Variants in TRANK1 observed in about 807,000 individuals in gnomAD.
The protein encoded by TRANK1 is TPR and ankyrin repeat-containing protein 1.
A neutral mutation model predicts 266.0 loss-of-function variants in TRANK1; 198 were observed. The ratio of observed to expected loss-of-function variants is 0.74; its 90% CI spans 0.66 to 0.84. The LOEUF (loss-of-function observed/expected upper bound fraction) is 0.84, where lower values mean the gene tolerates loss of function less well. Ranked by LOEUF, TRANK1 falls within the 40% of genes least tolerant of loss-of-function variation. The pLI is 0.00. For missense variants in TRANK1, 3,326 were observed against 3,634.6 expected (o/e 0.92, Z 2.18); for synonymous variants, 1,396 against 1,384.1 (o/e 1.01, Z -0.19).
chr3:36,899,461 C>A (rs540764833), intron 3 of TRANK1, among the ~76,000 whole-genome samples: 12 of 152,172 alleles, frequency 7.9e-5, no homozygotes, highest in African/African-American at 2.4e-4. Flanking sequence ...TGGAGGCCAG[C>A]CTAGGCAACA....
rs1262655069 is a variant in TRANK1, at chr3:36,831,426, T to A, written c.8157A>T (p.Ile2719=). The change falls in exon 22 of 24, where the codon ATA becomes ATT. Residue 2719 remains isoleucine, a synonymous_variant. Transcript: ENST00000645898. This position sits in a 1 kb window ranked among gnomAD's most constrained non-coding sequence, Gnocchi z 5.0. ...GGCATGCCCTCCTCAACTTCCGCTG[T>A]ATGGAGGCCTTCCGTTGCTTTTGGG... ...ILSQKQRKAS[I]QRKLRRACLV... is the part of the protein sequence containing the mutation. 2.5e-6 allele frequency: 4 copies of A among 1,612,948 alleles called. No individual in the cohort carries two copies. Among genetic ancestry groups the A allele is most frequent in the Non-Finnish European group, 3.4e-6 (4 of 1,179,568 alleles).
At chr3:36,931,737 A>G (rs537831417) in intron 1 of TRANK1, among the ~76,000 whole-genome samples, 1 of 151,956 alleles carries the variant, frequency 6.6e-6, no homozygotes, top group South Asian at 2.1e-4. Context: ...ATACATTTGC[A>G]TTTGCTTATA....
chr3:36,915,961 G>A (rs981217064), intron 1 of TRANK1, among the ~76,000 whole-genome samples: 14 of 152,170 alleles, frequency 9.2e-5, no homozygotes, highest in South Asian at 2.1e-4. Context: ...GTAGGTAATT[G>A]CTGCAGTAAG....
At chr3:36,829,774 C>A (rs1559410493) in intron 22 of TRANK1, 112 bp from the exon 23 acceptor site, 1 of 1,115,208 alleles carries the variant, frequency 9.0e-7, no homozygotes, top group East Asian at 2.5e-5. Context: ...TATGTTTTCC[C>A]TGAAAAGAGC....
Position 36,832,626 on chromosome 3 carries a change from G to A in TRANK1, c.6957C>T (p.Ser2319=), listed in dbSNP as rs117909841. 2.6e-4 allele frequency: 420 copies of A among 1,613,932 alleles called. 5 individuals are homozygous for A. The East Asian group carries it at 7.4e-3, about 29-fold the overall frequency. ...EYIHFLFENE[S]ARNRRESTDL... ...CTGTGGATTCCCGGCGGTTGCGTGCGCTTTCATTTTCAAACAGAAAGTGGA... is the reference window on the plus strand; with the variant it reads ...CTGTGGATTCCCGGCGGTTGCGTGCACTTTCATTTTCAAACAGAAAGTGGA... The change falls in exon 22 of 24, where the codon AGC becomes AGT. Residue 2319 remains serine (S), a synonymous_variant. Coordinates refer to ENST00000645898, the MANE Select transcript of TRANK1 (RefSeq NM_001329998.2).
Position 36,831,766 on chromosome 3 carries a change from T to A in TRANK1, c.7817A>T (p.Gln2606Leu). 1 of 1,613,914 alleles carries A rather than the reference T, an allele frequency of 6.2e-7. No individual in the cohort carries two copies. Among genetic ancestry groups the A allele is most frequent in the African/African-American group, 1.3e-5 (1 of 75,008 alleles). Residue 2606 changes from glutamine to leucine, a missense_variant, in exon 22 of 24, where the codon CAG (glutamine) becomes CTG (leucine). Gln to Leu is a moderately radical substitution (Grantham distance 113). Coordinates refer to ENST00000645898, the MANE Select transcript of TRANK1 (RefSeq NM_001329998.2). The surrounding 1 kb of genome is among the most constrained non-coding windows in gnomAD (Gnocchi z 5.0). ...CACCTTCAGGAGCCTCTCGGGAACC[T>A]GGCCAGGGCAGTCCATGCTCATGAG... Reference protein sequence around the residue: ...LQLMSMDCPGQVPERLLKVVK... With the variant: ...LQLMSMDCPGLVPERLLKVVK...
intron 9 of TRANK1, among the ~76,000 whole-genome samples, chr3:36,866,149 A>AT (rs1281516151): frequency 6.6e-6 from 1 of 152,062 alleles, no homozygotes; most frequent in Non-Finnish European, 1.5e-5. Context: ...AAAATGACAA[A>AT]TTTTTTTTAT....
At chr3:36,886,353 C>T (rs896070378) in intron 8 of TRANK1, among the ~76,000 whole-genome samples, 2 of 151,830 alleles carry the variant, frequency 1.3e-5, no homozygotes, top group Non-Finnish European at 1.5e-5. Flanking sequence ...AAGTGATCCA[C>T]CCACCTTAGC....
At chr3:36,939,892 CT>C (rs1292150573) in intron 1 of TRANK1, among the ~76,000 whole-genome samples, 1,975 of 147,130 alleles carry the variant, frequency 0.013, 21 homozygotes, top group African/African-American at 0.025. Context: ...CTTTTGTTCA[CT>C]TTTTTTTTTT....
Position 36,895,758 on chromosome 3 carries a change from C to T in TRANK1, c.434G>A (p.Ser145Asn). Residue 145 changes from serine to asparagine, a missense_variant and splice_region_variant, in exon 5 of 24, where the codon AGT becomes AAT. Coordinates refer to ENST00000645898, the MANE Select transcript of TRANK1 (RefSeq NM_001329998.2). ...GAAACTTTGCAAAACAATGGAGTCA[C>T]CTAAAAGAAAGTTTCATAATTTAGG... ...FLVGVFTTMS[S>N]DSIVLQSFLP... The T allele has an allele frequency of 6.6e-7, 1 of 1,520,904 alleles. No homozygotes were observed. The highest frequency in any genetic ancestry group is 8.8e-7 in the Non-Finnish European group (1 of 1,139,572). 94.2% of individuals were successfully genotyped at this position (1,520,904 alleles called of 1,614,324 possible). A position where few individuals can be genotyped will look rare whatever the true frequency, so the allele number is the denominator to read the frequency against.
At chr3:36,837,006 G>C (rs560306130) in intron 20 of TRANK1, among the ~76,000 whole-genome samples, 19 of 152,282 alleles carry the variant, frequency 1.2e-4, no homozygotes, top group Admixed American at 3.3e-4. Flanking sequence ...AGGCCCTACT[G>C]ATCTGGCCCT....
At chr3:36,929,026 A>G (rs982666874) in intron 1 of TRANK1, among the ~76,000 whole-genome samples, 1 of 152,194 alleles carries the variant, frequency 6.6e-6, no homozygotes, top group African/African-American at 2.4e-5. Context: ...AAGTATCAAG[A>G]GGGAATCTTC....
chr3:36,901,141 AT>A (rs2079876036), intron 3 of TRANK1, among the ~76,000 whole-genome samples: 1 of 150,602 alleles, frequency 6.6e-6, no homozygotes, highest in South Asian at 2.1e-4. Flanking sequence ...GGGGATCAGA[AT>A]ATGCCACCCT....
At chr3:36,890,820 T>C (rs1023383074) in intron 7 of TRANK1, among the ~76,000 whole-genome samples, 8 of 152,124 alleles carry the variant, frequency 5.3e-5, no homozygotes, top group Non-Finnish European at 1.0e-4. Flanking sequence ...GAGAAACAAA[T>C]CAATGATTAA....
At chr3:36,869,431 T>C (rs559616113) in intron 9 of TRANK1, among the ~76,000 whole-genome samples, 1 of 152,356 alleles carries the variant, frequency 6.6e-6, no homozygotes, top group African/African-American at 2.4e-5. Flanking sequence ...TAAATTGGAA[T>C]GTTCATTCAT....
intron 1 of TRANK1, among the ~76,000 whole-genome samples, chr3:36,943,358 A>G (rs1349825186): frequency 6.6e-6 from 1 of 152,134 alleles, no homozygotes; most frequent in Non-Finnish European, 1.5e-5. Flanking sequence ...TACATTATAT[A>G]CATATAGGTG....
intron 10 of TRANK1, among the ~76,000 whole-genome samples, chr3:36,863,156 C>T (rs1467747675): frequency 6.6e-6 from 1 of 151,858 alleles, no homozygotes; most frequent in Non-Finnish European, 1.5e-5. Flanking sequence ...AGTAACCAAG[C>T]CAAAGTGAGA....
intron 1 of TRANK1, among the ~76,000 whole-genome samples, chr3:36,927,198 A>G (rs532889492): frequency 6.6e-6 from 1 of 152,206 alleles, no homozygotes; most frequent in East Asian, 1.9e-4. Flanking sequence ...CCGACTAACA[A>G]TCCTAGGTAG....
rs2079707309 is a variant in TRANK1, at chr3:36,892,163, A to C, written c.775+39T>G. On this transcript the variant is annotated intron_variant, in intron 7 of 23. Transcript: ENST00000645898. ...AACAGAGTTCCAGAACTAGGCTAGA[A>C]GGGCAGCTTGGAGGGTGGAAAACTG... 3.9e-6 allele frequency: 6 copies of C among 1,532,012 alleles called. No homozygotes were observed. The South Asian group carries it at 6.0e-5, about 15-fold the overall frequency. 94.9% of individuals were successfully genotyped at this position (1,532,012 alleles called of 1,614,324 possible).
Sources: allele counts gnomAD v4.1 joint callset (sites outside exome capture counted in the v4.1 genomes callset), GRCh38; gene constraint gnomAD v4.1.1; non-coding constraint Gnocchi (gnomAD v3.1); transcripts MANE v1.5; gene names NCBI Gene and HGNC (gene_info 2026-07-23, HGNC 2026-07-21).